The following DNAH11 variants were observed in gnomAD, a reference collection of about 807,000 sequenced individuals.
The protein encoded by DNAH11 is dynein axonemal heavy chain 11.
DNAH11 carries 442 observed loss-of-function variants against 526.0 expected under a neutral mutation model. The observed-to-expected ratio is 0.84, with a 90% CI of 0.78 to 0.91. DNAH11 has a LOEUF of 0.91. Ranked by LOEUF, DNAH11 falls within the 40% of genes least tolerant of loss-of-function variation. The pLI is 0.00. For missense variants in DNAH11, 6,989 were observed against 5,448.7 expected, an observed-to-expected ratio of 1.28 and a Z score of -8.90; for synonymous variants, 2,461 against 1,935.9, an observed-to-expected ratio of 1.27 and a Z score of -7.12.
chr7:21,891,260 C>T (rs188978279), intron 76 of DNAH11, among the ~76,000 whole-genome samples: 1 of 152,316 alleles, frequency 6.6e-6, no homozygotes, highest in East Asian at 1.9e-4. Flanking sequence ...GTAGCATACA[C>T]AGTTACAGAC....
intron 68 of DNAH11, among the ~76,000 whole-genome samples, chr7:21,857,816 A>T (rs1444015764): frequency 1.3e-5 from 2 of 152,214 alleles, no homozygotes; most frequent in Non-Finnish European, 2.9e-5. Flanking sequence ...TATATAAAAA[A>T]ATTCAAAATG....
In DNAH11 at chr7:21,744,888, C is replaced by A. The variant is rs760409547; in HGVS notation, c.8335C>A (p.Leu2779Met). 61 of 1,609,540 alleles carry A rather than the reference C, an allele frequency of 3.8e-5. No individual in the cohort carries two copies. Among genetic ancestry groups the A allele is most frequent in the Admixed American group, 1.0e-4 (6 of 59,348 alleles). Residue 2779 changes from leucine to methionine, a missense_variant, in exon 51 of 82, where the codon CTG becomes ATG. Transcript: ENST00000409508. ...KYFEGIDSHM[L>M]LQQPLIYCHF... ...CCTGCAGGGTATAGATAGTCACATGCTGCTTCAACAGCCCCTCATTTATTG... is the reference window on the plus strand; with the variant it reads ...CCTGCAGGGTATAGATAGTCACATGATGCTTCAACAGCCCCTCATTTATTG...
At chr7:21,730,862 G>A (rs912244797) in intron 45 of DNAH11, among the ~76,000 whole-genome samples, 1 of 152,132 alleles carries the variant, frequency 6.6e-6, no homozygotes, top group African/African-American at 2.4e-5. Context: ...AAGCACATGG[G>A]GCTGGGTGCA....
intron 32 of DNAH11, among the ~76,000 whole-genome samples, chr7:21,686,147 C>T (rs1783366537): frequency 1.3e-5 from 2 of 152,312 alleles, no homozygotes; most frequent in South Asian, 2.1e-4. Context: ...TTAATCGCTT[C>T]TATTTGCATA....
chr7:21,744,765 C>T, intron 50 of DNAH11, 105 bp from the exon 51 acceptor site: 1 of 1,428,030 alleles, frequency 7.0e-7, no homozygotes, highest in East Asian at 2.4e-5. Flanking sequence ...CACCCACCTA[C>T]CCATGTGTGG....
In DNAH11 at chr7:21,620,028, C is replaced by A. The variant is rs769397725; in HGVS notation, c.4450C>A (p.Pro1484Thr). Residue 1484 changes from proline to threonine, a missense_variant, in exon 25 of 82, where the codon CCA becomes ACA. Pro to Thr is a conservative substitution (Grantham distance 38, BLOSUM62 -1). Transcript: ENST00000409508. ...SYEVHYRTGI[P>T]LLKSDEQLFE... ...CGAAGTTCACTATCGAACAGGCATT[C>A]CATTACTAAAGTCTGATGAACAACT... The A allele has an allele frequency of 1.9e-6, 3 of 1,608,590 alleles. No homozygotes were observed. Among genetic ancestry groups the A allele is most frequent in the Non-Finnish European group, 2.5e-6 (3 of 1,178,012 alleles).
intron 75 of DNAH11, among the ~76,000 whole-genome samples, chr7:21,883,162 T>C (rs73279884): frequency 0.028 from 4,274 of 152,338 alleles, 65 homozygotes; most frequent in African/African-American, 0.049. Flanking sequence ...TACATTGGCA[T>C]AGTTGAAGCA....
At chr7:21,829,221 T>A (rs1366987319) in intron 65 of DNAH11, among the ~76,000 whole-genome samples, 2 of 152,096 alleles carry the variant, frequency 1.3e-5, no homozygotes, top group African/African-American at 4.8e-5. Flanking sequence ...TTCTCCTAAA[T>A]GTGTTTCCCC....
chr7:21,804,865 A>T (rs1241844005), intron 62 of DNAH11, among the ~76,000 whole-genome samples: 1 of 152,172 alleles, frequency 6.6e-6, no homozygotes. Flanking sequence ...TAGCTAATTA[A>T]TCACTCAAAG....
At chr7:21,883,080 A>T (rs936174175) in intron 75 of DNAH11, among the ~76,000 whole-genome samples, 13 of 152,212 alleles carry the variant, frequency 8.5e-5, no homozygotes, top group African/African-American at 3.1e-4. Flanking sequence ...CTTATTTTTC[A>T]TTCACCTCAA....
intron 54 of DNAH11, among the ~76,000 whole-genome samples, chr7:21,760,827 T>C (rs1786866565): frequency 6.6e-6 from 1 of 150,430 alleles, no homozygotes; most frequent in Admixed American, 6.7e-5. Context: ...GTAGCCCTTA[T>C]TGGTGTATTC....
intron 49 of DNAH11, among the ~76,000 whole-genome samples, chr7:21,743,678 A>G (rs1011172297): frequency 6.6e-6 from 1 of 152,180 alleles, no homozygotes; most frequent in African/African-American, 2.4e-5. Flanking sequence ...TCCTGCCAGA[A>G]AGATTGCTTA....
chr7:21,716,336 A>G (rs1324383781), intron 42 of DNAH11, among the ~76,000 whole-genome samples: 1 of 152,200 alleles, frequency 6.6e-6, no homozygotes, highest in Non-Finnish European at 1.5e-5. Flanking sequence ...AGTAACGTTT[A>G]TTGAGAATTT....
rs1299925692 is a variant in DNAH11 at position 21,704,305 on chromosome 7, A to G, written c.6274-129A>G. 10 of 910,320 alleles carry G rather than the reference A, an allele frequency of 1.1e-5. No homozygotes were observed. The East Asian group carries it at 2.4e-4, about 22-fold the overall frequency. The allele number at this position is 910,320 out of a possible 1,614,324, so 56.4% of individuals were successfully genotyped here. A position where few individuals can be genotyped will look rare whatever the true frequency, so the allele number is the denominator to read the frequency against. ...TTAACCTCCCTATTGATAGAATGCC[A>G]TCTTAATGGAGAACAGTACCAATAT... On this transcript the variant is annotated intron_variant, in intron 37 of 81. Transcript: ENST00000409508.
At chr7:21,556,089 G>T (rs1014285749) in intron 2 of DNAH11, among the ~76,000 whole-genome samples, 3 of 152,168 alleles carry the variant, frequency 2.0e-5, no homozygotes, top group Non-Finnish European at 2.9e-5. Context: ...GTACTATGGG[G>T]TTACAATTCT....
intron 42 of DNAH11, among the ~76,000 whole-genome samples, chr7:21,716,607 C>T (rs1446770503): frequency 6.6e-6 from 1 of 152,142 alleles, no homozygotes; most frequent in Non-Finnish European, 1.5e-5. Context: ...TACAAAGATT[C>T]CACTTTCCAC....
chr7:21,725,231 C>T (rs1583630698), intron 44 of DNAH11, among the ~76,000 whole-genome samples: 5 of 152,136 alleles, frequency 3.3e-5, no homozygotes, highest in African/African-American at 9.7e-5. Flanking sequence ...CAAGCCCATG[C>T]GTTTATCCAT....
At chr7:21,642,221 C>A (rs370705009) in intron 28 of DNAH11, among the ~76,000 whole-genome samples, 3 of 151,916 alleles carry the variant, frequency 2.0e-5, no homozygotes, top group African/African-American at 4.8e-5. Flanking sequence ...TTAACACTTA[C>A]ATAAAATGCT....
intron 49 of DNAH11, among the ~76,000 whole-genome samples, chr7:21,743,926 C>T (rs1786032386): frequency 6.6e-6 from 1 of 152,148 alleles, no homozygotes; most frequent in Non-Finnish European, 1.5e-5. Flanking sequence ...GCGTGTGAAT[C>T]TAAGATACTG....
Sources: allele counts gnomAD v4.1 joint callset (sites outside exome capture counted in the v4.1 genomes callset), GRCh38; gene constraint gnomAD v4.1.1; transcripts MANE v1.5; gene names NCBI Gene and HGNC (gene_info 2026-07-23, HGNC 2026-07-21).